TCN2: variants seen among roughly 807,000 people sequenced by gnomAD.
TCN2 encodes the protein transcobalamin 2.
A neutral mutation model predicts 48.6 loss-of-function variants in TCN2; 34 were observed. The observed-to-expected ratio is 0.70, with a 90% CI of 0.53 to 0.93. The LOEUF is 0.93. TCN2 is among the 40% of genes least tolerant of loss of function. The pLI, the probability that TCN2 is intolerant of heterozygous loss-of-function variation, is 0.00. For missense variants in TCN2, 652 were observed against 526.1 expected (o/e 1.24, Z -2.34); for synonymous variants, 283 against 212.5 (o/e 1.33, Z -2.89).
intron 4 of TCN2, among the ~76,000 whole-genome samples, chr22:30,614,986 G>C (rs1236385138): frequency 6.6e-6 from 1 of 152,116 alleles, no homozygotes; most frequent in Admixed American, 6.6e-5. Flanking sequence ...GGTGGTATGG[G>C]GTCAAGTCCT....
intron 7 of TCN2, among the ~76,000 whole-genome samples, chr22:30,618,511 C>T (rs914149181): frequency 7.2e-5 from 11 of 152,050 alleles, no homozygotes; most frequent in African/African-American, 2.7e-4. Context: ...GCCACCATGC[C>T]CAGCTAATTT....
rs2087595302 is a variant in TCN2, at chr22:30,615,291, C to T, written c.581-10C>T. 1 of 1,614,188 alleles carries T rather than the reference C, an allele frequency of 6.2e-7. No homozygotes were observed. The highest frequency in any genetic ancestry group is 8.5e-7 in the Non-Finnish European group (1 of 1,180,036). ...TCCAGCTCATTGCATGTTCTGTCCC[C>T]CACTTCAAGACACAGCAGCCATGGC... On this transcript the variant is annotated splice_polypyrimidine_tract_variant and intron_variant, in intron 4 of 8. Coordinates refer to ENST00000215838, the MANE Select transcript of TCN2 (RefSeq NM_000355.4).
intron 3 of TCN2, among the ~76,000 whole-genome samples, chr22:30,614,067 C>T (rs2087576586): frequency 6.6e-6 from 1 of 152,240 alleles, no homozygotes; most frequent in African/African-American, 2.4e-5. Context: ...AATATCACTA[C>T]TTGGTCTGCA....
chr22:30,614,569 C>T, intron 4 of TCN2, 68 bp downstream of exon 4: 1 of 1,600,038 alleles, frequency 6.2e-7, no homozygotes, highest in Non-Finnish European at 8.5e-7. Flanking sequence ...CACTGATGAC[C>T]TCCATACCCT....
intron 8 of TCN2, among the ~76,000 whole-genome samples, chr22:30,623,813 T>TACACACACATAC: frequency 3.7e-5 from 2 of 53,958 alleles, no homozygotes; most frequent in East Asian, 7.7e-4. Flanking sequence ...TACACATATA[T>TACACACACATAC]ACACACACAT....
At chr22:30,625,425 G>T (rs117877464) in intron 8 of TCN2, among the ~76,000 whole-genome samples, 6,604 of 151,618 alleles carry the variant, frequency 0.044, 324 homozygotes, top group East Asian at 0.25. Flanking sequence ...TATTTTCCTG[G>T]CCCTTGCCTG....
chr22:30,615,278 C>T (rs1260955925), intron 4 of TCN2, 23 bp from the exon 5 acceptor site: 1 of 1,614,078 alleles, frequency 6.2e-7, no homozygotes, highest in Middle Eastern at 1.6e-4. Flanking sequence ...CAGCTCATTG[C>T]ATGTTCTGTC....
chr22:30,620,341 C>T (rs188455388), intron 7 of TCN2, among the ~76,000 whole-genome samples: 3 of 152,296 alleles, frequency 2.0e-5, no homozygotes, highest in Non-Finnish European at 2.9e-5. Flanking sequence ...TATAAATCCC[C>T]AACAACTTTA....
chr22:30,617,763 C>G, intron 7 of TCN2: 1 of 490,232 alleles, frequency 2.0e-6, no homozygotes, highest in South Asian at 2.0e-5. Context: ...AGGTAGGCAC[C>G]CACAATTCAC....
chr22:30,617,561 A>AGAG lies in TCN2; in HGVS notation c.1106+67_1106+69dup. On this transcript the variant is annotated intron_variant, in intron 7 of 8. Transcript: ENST00000215838. ...ACATGCCTGATAACAGGGTCACAGA[A>AGAG]GAGACGGGGAACAGAGGAGAGGGTT... The AGAG allele has an allele frequency of 1.9e-6, 3 of 1,608,922 alleles. No homozygotes were observed. In the African/African-American group the frequency reaches 4.0e-5, roughly 21 times the overall value.
Position 30,623,760 on chromosome 22 carries a change from A to G in TCN2, c.1222+677A>G, listed in dbSNP as rs1201270026. The stretch of plus-strand genomic sequence containing the variant: ...CATATATATACACACATATATATGT[A>G]TATATATATACACACATATATATGT... On this transcript the variant is annotated intron_variant, in intron 8 of 8. Transcript: ENST00000215838. 4.1e-4 allele frequency among the ~76,000 whole-genome samples: 15 copies of G among 36,952 alleles called. 4 individuals carry two copies. The highest frequency in any genetic ancestry group is 3.4e-3 in the East Asian group (7 of 2,074). 24.2% of individuals were successfully genotyped at this position (36,952 alleles called of 152,430 possible).
chr22:30,614,958 C>T (rs988657265), intron 4 of TCN2, among the ~76,000 whole-genome samples: 4 of 152,080 alleles, frequency 2.6e-5, no homozygotes, highest in Admixed American at 6.6e-5. Context: ...TTCCAATGTG[C>T]AGCTAAGTTT....
At chr22:30,614,316 G>A in intron 3 of TCN2, 33 bp from the exon 4 acceptor site, 1 of 1,610,724 alleles carries the variant, frequency 6.2e-7, no homozygotes, top group Non-Finnish European at 8.5e-7. Flanking sequence ...GGTGGGGGCA[G>A]AGAGGCAACC....
chr22:30,623,601 G>A (rs561434068), intron 8 of TCN2, among the ~76,000 whole-genome samples: 36 of 151,366 alleles, frequency 2.4e-4, no homozygotes, highest in African/African-American at 7.0e-4. Flanking sequence ...ATGGCAGTAA[G>A]TTTTTCATAA....
intron 8 of TCN2, among the ~76,000 whole-genome samples, chr22:30,623,943 C>CATATATATGTATACATATATAT (rs1569046916): frequency 9.4e-6 from 1 of 105,930 alleles, no homozygotes; most frequent in African/African-American, 4.1e-5. Context: ...TATATACACA[C>CATATATATGTATACATATATAT]ACACATATGT....
At position 30,626,864 on chromosome 22, in the gene TCN2, G is replaced by T; in HGVS notation, c.*343G>T. 9.6e-6 allele frequency: 4 copies of T among 415,008 alleles called. No individual in the cohort carries two copies. The highest frequency in any genetic ancestry group is 1.4e-5 in the Non-Finnish European group (3 of 219,802). The allele number at this position is 415,008 out of a possible 1,614,324, so 25.7% of individuals were successfully genotyped here. ...GTCCGCAGGCCGCAGGTGTTGTGAA[G>T]ACCACTCGTTCTGTGGTTGGGGTCC... is the stretch of plus-strand genomic sequence containing the variant. On this transcript the variant is annotated 3_prime_UTR_variant, in exon 9 of 9. Coordinates refer to ENST00000215838, the MANE Select transcript of TCN2 (RefSeq NM_000355.4).
At chr22:30,620,881 G>C (rs1013751689) in intron 7 of TCN2, among the ~76,000 whole-genome samples, 3 of 152,202 alleles carry the variant, frequency 2.0e-5, no homozygotes, top group African/African-American at 7.2e-5. Context: ...GAGAGAGGTA[G>C]CCCTGTGCAG....
In TCN2 at chr22:30,615,326, A is replaced by G. The variant is rs1307031918; in HGVS notation, c.606A>G (p.Ala202=). The change falls in exon 5 of 9, where the codon GCA becomes GCG. Residue 202 remains alanine (A), a synonymous_variant. Transcript: ENST00000215838. ...ACACAGCAGCCATGGCAGGCTTGGCATTCACCTGTCTGAAGCGCTCAAACT... is the reference window on the plus strand; with the variant it reads ...ACACAGCAGCCATGGCAGGCTTGGCGTTCACCTGTCTGAAGCGCTCAAACT... The part of the protein sequence containing the change: ...SVDTAAMAGL[A]FTCLKRSNFN... 1.2e-6 allele frequency: 2 copies of G among 1,614,136 alleles called. No homozygotes were observed.
chr22:30,615,315 G>A lies in TCN2; in HGVS notation c.595G>A (p.Ala199Thr). The A allele has an allele frequency of 1.9e-6, 3 of 1,614,150 alleles. No individual in the cohort carries two copies. The highest frequency in any genetic ancestry group is 2.5e-6 in the Non-Finnish European group (3 of 1,180,010). Reference sequence around the variant, plus strand: ...CCCACTTCAAGACACAGCAGCCATGGCAGGCTTGGCATTCACCTGTCTGAA... The same window carrying A: ...CCCACTTCAAGACACAGCAGCCATGACAGGCTTGGCATTCACCTGTCTGAA... ...GHHSVDTAAM[A>T]GLAFTCLKRS... Residue 199 changes from alanine to threonine, a missense_variant, in exon 5 of 9, where the codon GCA becomes ACA. By Grantham distance (58) the Ala-to-Thr change is moderately conservative. Coordinates refer to ENST00000215838, the MANE Select transcript of TCN2 (RefSeq NM_000355.4).
Sources: gnomAD v4.1 joint callset for allele counts (sites outside exome capture counted in the v4.1 genomes callset) on GRCh38, gnomAD v4.1.1 for gene constraint, MANE v1.5 for transcripts, NCBI Gene and HGNC (gene_info 2026-07-23, HGNC 2026-07-21) for gene names.